Variants in ERMARD observed in about 807,000 individuals in gnomAD.
ERMARD encodes the protein ER membrane associated RNA degradation.
ERMARD carries 71 observed loss-of-function variants against 83.9 expected under a neutral mutation model. That is an observed-to-expected ratio of 0.85 (90% confidence interval 0.70 to 1.03). ERMARD has a LOEUF of 1.03. Ranked by LOEUF, ERMARD falls within the 50% of genes least tolerant of loss-of-function variation. The probability of loss-of-function intolerance (pLI) is 0.00; values close to 1 mark genes in which losing one functional copy is unlikely to be tolerated. For missense variants in ERMARD, 838 were observed against 810.9 expected (o/e 1.03, Z -0.41); for synonymous variants, 284 against 298.6 (o/e 0.95, Z 0.50).
intron 6 of ERMARD, among the ~76,000 whole-genome samples, chr6:169,759,510 C>A (rs1421625145): frequency 6.6e-6 from 1 of 152,128 alleles, no homozygotes; most frequent in South Asian, 2.1e-4. Context: ...ACCTCCTCCT[C>A]CCAGGCTTAA....
intron 13 of ERMARD, 100 bp downstream of exon 13, chr6:169,773,502 A>G (rs1793224022): frequency 8.4e-7 from 1 of 1,196,294 alleles, no homozygotes; most frequent in Admixed American, 1.8e-5. Context: ...GCTGAGTCAG[A>G]CTTTGAGTTG....
intron 16 of ERMARD, among the ~76,000 whole-genome samples, chr6:169,778,219 G>A (rs890732359): frequency 2.0e-5 from 3 of 152,246 alleles, no homozygotes; most frequent in African/African-American, 7.2e-5. Flanking sequence ...TCTCACTGAT[G>A]TTGTGACGAA....
intron 17 of ERMARD, among the ~76,000 whole-genome samples, chr6:169,779,563 C>T (rs1793974782): frequency 6.6e-6 from 1 of 152,142 alleles, no homozygotes; most frequent in Non-Finnish European, 1.5e-5. Context: ...GGCATAATCA[C>T]AGCTCACTGC....
rs1021243611 is a variant in ERMARD at position 169,781,461 on chromosome 6, A to G, written c.1985A>G (p.Lys662Arg). The G allele has an allele frequency of 1.5e-5, 24 of 1,610,504 alleles. No individual in the cohort carries two copies. The East Asian group carries it at 1.8e-4, about 12-fold the overall frequency. Residue 662 changes from lysine to arginine, a missense_variant, in exon 18 of 18, where the codon AAA (lysine) becomes AGA (arginine). Lys to Arg is a conservative substitution (Grantham distance 26). Coordinates refer to ENST00000366773, the MANE Select transcript of ERMARD (RefSeq NM_018341.3). ...AAAATGTGGACTTTTAGTGAGAAGA[A>G]ACAAATGTTAATACATTTAGCCAAG... The part of the protein sequence containing the change: ...LLKMWTFSEK[K>R]QMLIHLAKKS...
chr6:169,778,831 T>A (rs551898078), intron 16 of ERMARD, among the ~76,000 whole-genome samples: 20 of 152,376 alleles, frequency 1.3e-4, no homozygotes, highest in Non-Finnish European at 2.5e-4. Flanking sequence ...CCTCCCTAGA[T>A]GTCAGAGGGC....
intron 17 of ERMARD, among the ~76,000 whole-genome samples, chr6:169,780,516 T>C (rs1238104395): frequency 2.0e-5 from 3 of 152,256 alleles, no homozygotes; most frequent in Non-Finnish European, 4.4e-5. Flanking sequence ...ACCCCGCTGT[T>C]AACATTTTGA....
At chr6:169,752,373 G>C (rs748820510) in intron 1 of ERMARD, among the ~76,000 whole-genome samples, 14 of 152,224 alleles carry the variant, frequency 9.2e-5, no homozygotes, top group Admixed American at 6.5e-5. Context: ...TCCAAGGCAA[G>C]AGGTAGTCAG....
At chr6:169,772,770 C>CAAAAAAAAAAAAAAAAAAAAAAAAAAA (rs60417475) in intron 12 of ERMARD, among the ~76,000 whole-genome samples, 1 of 100,160 alleles carries the variant, frequency 1.0e-5, no homozygotes, top group African/African-American at 3.6e-5. Context: ...GACTCTGTCT[C>CAAAAAAAAAAAAAAAAAAAAAAAAAAA]AAAAAAAAAA....
intron 10 of ERMARD, chr6:169,767,314 T>C (rs1479943086): frequency 1.3e-5 from 2 of 152,302 alleles, no homozygotes; most frequent in African/African-American, 2.4e-5. Context: ...CAATCTGTTG[T>C]GATTTTAATG....
upstream of ERMARD, chr6:169,751,498 C>T: frequency 6.2e-7 from 1 of 1,611,374 alleles, no homozygotes; most frequent in Non-Finnish European, 8.5e-7. Flanking sequence ...CTCCCCTTCA[C>T]CGCCGGCGGT....
At chr6:169,762,408 C>CT (rs749375322) in intron 8 of ERMARD, 21 bp from the exon 9 acceptor site, 120 of 1,601,560 alleles carry the variant, frequency 7.5e-5, no homozygotes, top group Admixed American at 2.4e-4. Flanking sequence ...AGTTTTACCT[C>CT]TTTTCCCTTC....
intron 13 of ERMARD, among the ~76,000 whole-genome samples, chr6:169,774,562 C>A (rs1158898332): frequency 6.6e-6 from 1 of 152,192 alleles, no homozygotes; most frequent in Non-Finnish European, 1.5e-5. Flanking sequence ...TGGGTACTTA[C>A]CACTTCCTGT....
intron 8 of ERMARD, among the ~76,000 whole-genome samples, 171 bp from the exon 9 acceptor site, chr6:169,762,258 A>T (rs1339632840): frequency 6.6e-6 from 1 of 151,620 alleles, no homozygotes; most frequent in Non-Finnish European, 1.5e-5. Context: ...CTAATTTCTA[A>T]ATTTTTTGTA....
intron 12 of ERMARD, among the ~76,000 whole-genome samples, chr6:169,772,440 T>C (rs1201962375): frequency 6.6e-6 from 1 of 152,168 alleles, no homozygotes; most frequent in Non-Finnish European, 1.5e-5. Flanking sequence ...AACATCTAGC[T>C]ACTTGAGTTG....
In ERMARD at chr6:169,759,890, A is replaced by G. The variant is rs764624279; in HGVS notation, c.658A>G (p.Ser220Gly). The change falls in exon 7 of 18, where the codon AGT becomes GGT. Residue 220 changes from serine (S) to glycine (G), a missense_variant. By Grantham distance (56) the Ser-to-Gly change is moderately conservative. Coordinates refer to ENST00000366773, the MANE Select transcript of ERMARD (RefSeq NM_018341.3). Reference sequence around the variant, plus strand: ...GGCAGGATTGGGTCAGTTACTGAAGAGTTACCTTCAAAACACTAAACTTAC... The same window carrying G: ...GGCAGGATTGGGTCAGTTACTGAAGGGTTACCTTCAAAACACTAAACTTAC... ...LTAGLGQLLK[S>G]YLQNTKLTLA... is the part of the protein sequence containing the mutation. The G allele has an allele frequency of 6.2e-7, 1 of 1,614,216 alleles. No homozygotes were observed. The highest frequency in any genetic ancestry group is 1.7e-5 in the Admixed American group (1 of 60,028).
chr6:169,775,427 C>T, intron 14 of ERMARD, 81 bp downstream of exon 14: 1 of 1,481,396 alleles, frequency 6.8e-7, no homozygotes, highest in Non-Finnish European at 9.3e-7. Flanking sequence ...TTTAACGAGG[C>T]TGTGGGAAGA....
At chr6:169,768,528 C>T (rs1414011046) in intron 11 of ERMARD, among the ~76,000 whole-genome samples, 1 of 152,052 alleles carries the variant, frequency 6.6e-6, no homozygotes, top group Non-Finnish European at 1.5e-5. Flanking sequence ...GAGGCCAAGG[C>T]GGGCAGATCA....
intron 12 of ERMARD, chr6:169,770,427 A>G (rs1792761784): frequency 6.6e-6 from 1 of 152,014 alleles, no homozygotes; most frequent in South Asian, 2.1e-4. Flanking sequence ...TTGATATTCC[A>G]TTTTATCAAT....
At chr6:169,765,009 C>T (rs1327654122) in intron 9 of ERMARD, among the ~76,000 whole-genome samples, 1 of 152,232 alleles carries the variant, frequency 6.6e-6, no homozygotes, top group Non-Finnish European at 1.5e-5. Context: ...CTACACGTTG[C>T]TGTCGCCTGC....
Sources: gnomAD v4.1 joint callset for allele counts (sites outside exome capture counted in the v4.1 genomes callset) on GRCh38, gnomAD v4.1.1 for gene constraint, MANE v1.5 for transcripts, NCBI Gene and HGNC (gene_info 2026-07-23, HGNC 2026-07-21) for gene names.